SLC34A2: variants seen among roughly 807,000 people sequenced by gnomAD.
SLC34A2 encodes solute carrier family 34 member 2.
A neutral mutation model predicts 50.8 loss-of-function variants in SLC34A2; 41 were observed. The observed-to-expected ratio is 0.81, with a 90% CI of 0.63 to 1.05. The LOEUF (loss-of-function observed/expected upper bound fraction) is 1.05, where lower values mean the gene tolerates loss of function less well. SLC34A2 is among the 50% of genes least tolerant of loss of function. The probability of loss-of-function intolerance (pLI) is 0.00; values close to 1 mark genes in which losing one functional copy is unlikely to be tolerated. For missense variants in SLC34A2, 879 were observed against 876.7 expected, an observed-to-expected ratio of 1.00 and a Z score of -0.03; for synonymous variants, 401 against 364.2, an observed-to-expected ratio of 1.10 and a Z score of -1.15.
intron 6 of SLC34A2, among the ~76,000 whole-genome samples, chr4:25,669,421 C>T (rs3815464): frequency 0.11 from 17,348 of 152,132 alleles, 1,860 homozygotes; most frequent in East Asian, 0.58. Context: ...TTATTCCAGC[C>T]GTAACATGCT....
Position 25,669,784 on chromosome 4 carries a change from A to G in SLC34A2, c.773A>G (p.Glu258Gly). The G allele has an allele frequency of 6.2e-7, 1 of 1,614,176 alleles. No individual in the cohort carries two copies. The highest frequency in any genetic ancestry group is 1.3e-5 in the African/African-American group (1 of 75,034). ...GAGAGCTTCCACTTCAAGAATGGAG[A>G]AGATGCCCCAGATCTTCTGAAAGTC... ...IVESFHFKNG[E>G]DAPDLLKVIT... Residue 258 changes from glutamate (E) to glycine (G), a missense_variant, in exon 7 of 13, where the codon GAA (glutamate) becomes GGA (glycine). Glu to Gly is a moderately conservative substitution (Grantham distance 98). Coordinates refer to ENST00000382051, the MANE Select transcript of SLC34A2 (RefSeq NM_006424.3).
intron 6 of SLC34A2, among the ~76,000 whole-genome samples, chr4:25,669,292 T>G (rs1714683746): frequency 6.6e-6 from 1 of 152,202 alleles, no homozygotes; most frequent in African/African-American, 2.4e-5. Flanking sequence ...AACTCCAGCA[T>G]AGAGGGCTTT....
intron 9 of SLC34A2, among the ~76,000 whole-genome samples, chr4:25,672,086 C>A (rs1481907372): frequency 6.6e-6 from 1 of 152,128 alleles, no homozygotes; most frequent in Non-Finnish European, 1.5e-5. Context: ...ATAATCCCAG[C>A]ACTTTGGGGA....
At chr4:25,674,188 ATATATGG>A (rs1166853393) in intron 10 of SLC34A2, 101 bp from the exon 11 acceptor site, 35 of 766,776 alleles carry the variant, frequency 4.6e-5, no homozygotes, top group Non-Finnish European at 7.8e-5. Context: ...ATCTGAGACC[ATATATGG>A]GATGATGTAC....
Position 25,664,185 on chromosome 4 carries a change from A to AT in SLC34A2, c.251-16dup. 1 of 1,023,284 alleles carries AT rather than the reference A, an allele frequency of 9.8e-7. No individual in the cohort carries two copies. Among genetic ancestry groups the AT allele is most frequent in the Non-Finnish European group, 1.4e-6 (1 of 719,024 alleles). The allele number at this position is 1,023,284 out of a possible 1,614,324, so 63.4% of individuals were successfully genotyped here. A position where few individuals can be genotyped will look rare whatever the true frequency, so the allele number is the denominator to read the frequency against. On this transcript the variant is annotated splice_polypyrimidine_tract_variant and intron_variant, in intron 3 of 12. Transcript: ENST00000382051. ...TTCATGCCTTTCTCTCTCTCCCCCC[A>AT]TCCCACCCCCCTGCAGAGAGAGACA...
In SLC34A2 at chr4:25,677,310, TCCTAGTGCTC is replaced by T. The variant is rs1715195689; in HGVS notation, c.*564_*573del. 1 of 158,320 alleles carries T rather than the reference TCCTAGTGCTC, an allele frequency of 6.3e-6. No individual in the cohort carries two copies. The highest frequency in any genetic ancestry group is 1.4e-5 in the Non-Finnish European group (1 of 71,258). 9.8% of individuals were successfully genotyped at this position (158,320 alleles called of 1,614,324 possible). ...CCACAAGGTGTGGGTCTATCCCACT[TCCTAGTGCTC>T]CCCACATTCCCCATCAGGGCTTCCT... On this transcript the variant is annotated 3_prime_UTR_variant, in exon 13 of 13. Transcript: ENST00000382051.
intron 6 of SLC34A2, 75 bp downstream of exon 6, chr4:25,668,066 C>G: frequency 5.4e-6 from 5 of 920,426 alleles, no homozygotes; most frequent in South Asian, 2.7e-5. Context: ...TGCTTTTAAC[C>G]AGCCAAAGAT....
At chr4:25,657,737 C>T (rs989282410) in intron 1 of SLC34A2, among the ~76,000 whole-genome samples, 1 of 152,186 alleles carries the variant, frequency 6.6e-6, no homozygotes, top group Non-Finnish European at 1.5e-5. Context: ...ATCACTACCA[C>T]CATTGTGTCC....
At chr4:25,658,562 C>T (rs543452872) in intron 1 of SLC34A2, among the ~76,000 whole-genome samples, 63 of 152,328 alleles carry the variant, frequency 4.1e-4, no homozygotes, top group African/African-American at 1.4e-3. Context: ...AAGTTCCTCT[C>T]CTGGGTCTTC....
intron 6 of SLC34A2, among the ~76,000 whole-genome samples, chr4:25,668,401 C>T (rs1476711260): frequency 6.6e-6 from 1 of 152,140 alleles, no homozygotes; most frequent in East Asian, 1.9e-4. Context: ...GCCTGTAATC[C>T]CAGCACTCTG....
In SLC34A2 at chr4:25,669,811, T is replaced by C; in HGVS notation, c.800T>C (p.Ile267Thr). The C allele has an allele frequency of 6.2e-7, 1 of 1,614,178 alleles. No homozygotes were observed. The highest frequency in any genetic ancestry group is 8.5e-7 in the Non-Finnish European group (1 of 1,180,024). The change falls in exon 7 of 13, where the codon ATC becomes ACC. Residue 267 changes from isoleucine (I) to threonine (T), a missense_variant. Coordinates refer to ENST00000382051, the MANE Select transcript of SLC34A2 (RefSeq NM_006424.3). ...GEDAPDLLKV[I>T]TKPFTKLIVQ... ...GATGCCCCAGATCTTCTGAAAGTCA[T>C]CACTAAGCCCTTCACAAAGCTCATT... is the stretch of plus-strand genomic sequence containing the variant.
rs1448094409 is a variant in SLC34A2, at chr4:25,668,913, T to C, written c.636-734T>C. Among the ~76,000 whole-genome samples the C allele has an allele frequency of 1.3e-5, 2 of 151,516 alleles. 1 individual carries two copies. Among genetic ancestry groups the C allele is most frequent in the South Asian group, 4.2e-4 (2 of 4,792 alleles). On this transcript the variant is annotated intron_variant, in intron 6 of 12. Coordinates refer to ENST00000382051, the MANE Select transcript of SLC34A2 (RefSeq NM_006424.3). Reference sequence around the variant, plus strand: ...TAGTTTTTTTTTTTTTTCAGTTTTTTTTTAAAAGGTAAGCTGTTTCATTGA... The same window carrying C: ...TAGTTTTTTTTTTTTTTCAGTTTTTCTTTAAAAGGTAAGCTGTTTCATTGA...
chr4:25,670,602 G>C, intron 7 of SLC34A2, 136 bp from the exon 8 acceptor site: 1 of 703,380 alleles, frequency 1.4e-6, no homozygotes, highest in Middle Eastern at 2.4e-4. Flanking sequence ...CAGATAGAGT[G>C]AGTCCCACTT....
At position 25,674,400 on chromosome 4, in the gene SLC34A2, AC is replaced by A. The variant is rs775513338; in HGVS notation, c.1327del (p.Leu443Ter). 1 of 1,612,926 alleles carries A rather than the reference AC, an allele frequency of 6.2e-7. No individual in the cohort carries two copies. On this transcript the variant is annotated frameshift_variant, in exon 11 of 13. Transcript: ENST00000382051. LOFTEE classifies it high-confidence loss of function. ...QSSSVFTSAL[T>X]PLIGIGVITI... ...CAGCTCTGTGTTCACGTCGGCCTTGACCCCCCTGATTGGTGAGTTACACCCT... is the reference window on the plus strand; with the variant it reads ...CAGCTCTGTGTTCACGTCGGCCTTGACCCCCTGATTGGTGAGTTACACCCT...
intron 9 of SLC34A2, 107 bp downstream of exon 9, chr4:25,671,828 C>G: frequency 6.9e-7 from 1 of 1,455,028 alleles, no homozygotes; most frequent in Non-Finnish European, 9.6e-7. Flanking sequence ...TAGGAGTCAC[C>G]AAGCACCTGC....
At chr4:25,661,231 G>A (rs1714166177) in intron 1 of SLC34A2, among the ~76,000 whole-genome samples, 1 of 152,130 alleles carries the variant, frequency 6.6e-6, no homozygotes, top group Admixed American at 6.6e-5. Context: ...TATAGATGGA[G>A]AAACTGACAC....
rs988178410 is a variant in SLC34A2 at position 25,677,663 on chromosome 4, A to G, written c.*914A>G. 1 of 152,232 alleles carries G rather than the reference A, an allele frequency of 6.6e-6. No individual in the cohort carries two copies. Among genetic ancestry groups the G allele is most frequent in the Non-Finnish European group, 1.5e-5 (1 of 68,042 alleles). 9.4% of individuals were successfully genotyped at this position (152,232 alleles called of 1,614,324 possible). A position where few individuals can be genotyped will look rare whatever the true frequency, so the allele number is the denominator to read the frequency against. On this transcript the variant is annotated 3_prime_UTR_variant, in exon 13 of 13. Transcript: ENST00000382051. ...AGCCCTCCCTGTTGGATCTTTTGAA[A>G]TAAAACGTGCAAGTTATCCAGGCTC...
chr4:25,658,340 G>C (rs887967784), intron 1 of SLC34A2, among the ~76,000 whole-genome samples: 3 of 152,202 alleles, frequency 2.0e-5, no homozygotes, highest in Admixed American at 1.3e-4. Flanking sequence ...TCTGATGGGA[G>C]ACTGTGTGTC....
Position 25,676,583 on chromosome 4 carries a change from C to T in SLC34A2, c.1907C>T (p.Pro636Leu), listed in dbSNP as rs2109062928. The T allele has an allele frequency of 6.2e-7, 1 of 1,613,018 alleles. No homozygotes were observed. The highest frequency in any genetic ancestry group is 8.5e-7 in the Non-Finnish European group (1 of 1,179,166). The change falls in exon 13 of 13, where the codon CCC (proline) becomes CTC (leucine). Residue 636 changes from proline (P) to leucine (L), a missense_variant. Coordinates refer to ENST00000382051, the MANE Select transcript of SLC34A2 (RefSeq NM_006424.3). ...GCGTGCTGCTTGCTGTGTGACTGCC[C>T]CAAGTGCTGCCGCTGCAGCAAGTGC... is the stretch of plus-strand genomic sequence containing the variant. ...CRACCLLCDC[P>L]KCCRCSKCCE... is the part of the protein sequence containing the mutation.
Sources: gnomAD v4.1 joint callset for allele counts (sites outside exome capture counted in the v4.1 genomes callset) on GRCh38, gnomAD v4.1.1 for gene constraint, MANE v1.5 for transcripts, NCBI Gene and HGNC (gene_info 2026-07-23, HGNC 2026-07-21) for gene names.